GPC6: variants seen among roughly 807,000 people sequenced by gnomAD.
GPC6 encodes glypican 6, also known as glypican-6.
A neutral mutation model predicts 55.2 loss-of-function variants in GPC6; 14 were observed. The observed-to-expected ratio is 0.25, with a 90% confidence interval of 0.17 to 0.40. GPC6 has a LOEUF of 0.40. Among genes scored for constraint, GPC6 ranks in the 10% least tolerant of loss-of-function variants. The pLI, the probability that GPC6 is intolerant of heterozygous loss-of-function variation, is 1.00. For missense variants in GPC6, 641 were observed against 708.5 expected, an observed-to-expected ratio of 0.90 and a Z score of 1.08; for synonymous variants, 278 against 259.6, an observed-to-expected ratio of 1.07 and a Z score of -0.68.
At chr13:94,027,356 T>A (rs1431364630) in intron 3 of GPC6, among the ~76,000 whole-genome samples, 1 of 152,106 alleles carries the variant, frequency 6.6e-6, no homozygotes, top group East Asian at 1.9e-4. Flanking sequence ...AGAAACAGGG[T>A]CAAATAAGCA....
chr13:93,590,440 A>T (rs1431227706), intron 2 of GPC6, among the ~76,000 whole-genome samples: 3 of 152,178 alleles, frequency 2.0e-5, no homozygotes. Context: ...TATAACTACA[A>T]ATAATAGCTT....
chr13:93,453,722 G>A (rs539797122), intron 1 of GPC6, among the ~76,000 whole-genome samples: 51 of 151,764 alleles, frequency 3.4e-4, no homozygotes, highest in Non-Finnish European at 4.0e-4. Flanking sequence ...GGAGTTGTTC[G>A]TTCCTCCCGG....
At chr13:93,946,624 T>C (rs1223080479) in intron 3 of GPC6, among the ~76,000 whole-genome samples, 1 of 152,172 alleles carries the variant, frequency 6.6e-6, no homozygotes, top group East Asian at 1.9e-4. Flanking sequence ...AGAATTTGAG[T>C]ATGAATTTTT....
intron 2 of GPC6, among the ~76,000 whole-genome samples, chr13:93,666,850 C>G (rs1386199582): frequency 6.6e-6 from 1 of 152,144 alleles, no homozygotes; most frequent in Non-Finnish European, 1.5e-5. Flanking sequence ...ATGGTTTATG[C>G]TGTCTGCTGA....
intron 4 of GPC6, among the ~76,000 whole-genome samples, chr13:94,202,412 G>A (rs896187885): frequency 1.3e-5 from 2 of 152,102 alleles, no homozygotes; most frequent in Non-Finnish European, 2.9e-5. Flanking sequence ...TCACAAACAT[G>A]GTGAAAGGCA....
At chr13:93,394,949 T>A (rs1229545800) in intron 1 of GPC6, 2 of 205,048 alleles carry the variant, frequency 9.8e-6, no homozygotes, top group African/African-American at 4.6e-5. Flanking sequence ...AACACAAACT[T>A]AACACTTTCC....
At chr13:93,760,025 C>CA (rs10639785) in intron 2 of GPC6, among the ~76,000 whole-genome samples, 1,921 of 147,408 alleles carry the variant, frequency 0.013, 21 homozygotes, top group African/African-American at 0.026. Flanking sequence ...GCTGAGAAAA[C>CA]AAAAAAAAAA....
At chr13:94,274,526 C>T (rs1340360545) in intron 4 of GPC6, among the ~76,000 whole-genome samples, 2 of 152,106 alleles carry the variant, frequency 1.3e-5, no homozygotes, top group Non-Finnish European at 2.9e-5. Context: ...ACATCTGATT[C>T]CTGTCATGGT....
Position 93,357,166 on chromosome 13 carries a change from T to C in GPC6, c.160+129550T>C, listed in dbSNP as rs560713606. On this transcript the variant is annotated intron_variant, in intron 1 of 8. Coordinates refer to ENST00000377047, the MANE Select transcript of GPC6 (RefSeq NM_005708.5). ...CTCAAGCAGAGTGAATCACCTTCAT[T>C]GTGCACTGAATTTCTGCAAGCTGGG... 5.5e-4 allele frequency among the ~76,000 whole-genome samples: 84 copies of C among 152,318 alleles called. 1 individual carries two copies. The highest frequency in any genetic ancestry group is 1.2e-3 in the East Asian group (6 of 5,168).
Position 93,726,100 on chromosome 13 carries a change from TCATACACACA to T in GPC6, c.320-104051_320-104042del, listed in dbSNP as rs1300401723. Among the ~76,000 whole-genome samples, 429 of 93,714 alleles carry T rather than the reference TCATACACACA, an allele frequency of 4.6e-3. 5 individuals carry two copies. Among genetic ancestry groups the T allele is most frequent in the African/African-American group, 0.016 (398 of 25,670 alleles). The allele number at this position is 93,714 out of a possible 152,430, so 61.5% of individuals were successfully genotyped here. A position where few individuals can be genotyped will look rare whatever the true frequency, so the allele number is the denominator to read the frequency against. ...AGATGCAAAATAAAGACTTTTTCCT[TCATACACACA>T]CACACACACACACACACACACACAC... is the stretch of plus-strand genomic sequence containing the variant. On this transcript the variant is annotated intron_variant, in intron 2 of 8. Transcript: ENST00000377047.
intron 2 of GPC6, among the ~76,000 whole-genome samples, chr13:93,610,557 G>C (rs980455767): frequency 1.3e-5 from 2 of 151,642 alleles, no homozygotes; most frequent in African/African-American, 2.4e-5. Context: ...CATGTTGGAG[G>C]ATATACATAT....
chr13:94,041,787 T>C (rs924115918), intron 4 of GPC6, among the ~76,000 whole-genome samples: 1 of 151,920 alleles, frequency 6.6e-6, no homozygotes, highest in Non-Finnish European at 1.5e-5. Context: ...TTACCAATTG[T>C]TATTCTTTAT....
chr13:93,818,971 G>A (rs888410695), intron 2 of GPC6, among the ~76,000 whole-genome samples: 1 of 152,040 alleles, frequency 6.6e-6, no homozygotes, highest in East Asian at 1.9e-4. Context: ...CTGCACACTG[G>A]GATCACCTGG....
chr13:93,440,783 G>A (rs1048499491), intron 1 of GPC6, among the ~76,000 whole-genome samples: 6 of 151,948 alleles, frequency 3.9e-5, no homozygotes, highest in African/African-American at 7.3e-5. Context: ...CAATGTTGGC[G>A]TGCTGCACCC....
intron 2 of GPC6, among the ~76,000 whole-genome samples, chr13:93,570,111 A>G (rs1566428953): frequency 6.6e-6 from 1 of 152,142 alleles, no homozygotes; most frequent in Non-Finnish European, 1.5e-5. Flanking sequence ...CCTTTCATGC[A>G]TATTTAAGTT....
chr13:94,266,288 C>G (rs2139056064), intron 4 of GPC6, among the ~76,000 whole-genome samples: 2 of 152,224 alleles, frequency 1.3e-5, no homozygotes, highest in African/African-American at 4.8e-5. Context: ...CCTGCATCAG[C>G]CTCCCGAGTA....
Position 93,310,872 on chromosome 13 carries a change from A to T in GPC6, c.160+83256A>T, listed in dbSNP as rs190114233. On this transcript the variant is annotated intron_variant, in intron 1 of 8. Coordinates refer to ENST00000377047, the MANE Select transcript of GPC6 (RefSeq NM_005708.5). ...ATCTGTCTTCTCATCTTCCTCGCCTAAGCATTTACCTTCTAACTACTACTA... is the reference window on the plus strand; with the variant it reads ...ATCTGTCTTCTCATCTTCCTCGCCTTAGCATTTACCTTCTAACTACTACTA... 1.0e-3 allele frequency among the ~76,000 whole-genome samples: 156 copies of T among 152,318 alleles called. 1 individual carries two copies. Among genetic ancestry groups the T allele is most frequent in the African/African-American group, 3.7e-3 (154 of 41,574 alleles).
intron 2 of GPC6, among the ~76,000 whole-genome samples, chr13:93,635,333 A>T (rs1187823562): frequency 6.6e-6 from 1 of 152,130 alleles, no homozygotes; most frequent in African/African-American, 2.4e-5. Flanking sequence ...GCACTGTCCC[A>T]TGAAAGAGAG....
chr13:93,401,768 T>C (rs1192007160), intron 1 of GPC6, among the ~76,000 whole-genome samples: 1 of 151,286 alleles, frequency 6.6e-6, no homozygotes. Flanking sequence ...TTATTTTTTG[T>C]GTGTATATTA....
Sources: gnomAD v4.1 joint callset for allele counts (sites outside exome capture counted in the v4.1 genomes callset) on GRCh38, gnomAD v4.1.1 for gene constraint, MANE v1.5 for transcripts, NCBI Gene and HGNC (gene_info 2026-07-23, HGNC 2026-07-21) for gene names.